PLCH1: variants seen among roughly 807,000 people sequenced by gnomAD.
PLCH1 encodes the protein 1-phosphatidylinositol 4,5-bisphosphate phosphodiesterase eta-1.
A neutral mutation model predicts 126.7 loss-of-function variants in PLCH1; 60 were observed. The ratio of observed to expected loss-of-function variants is 0.47; its 90% CI spans 0.38 to 0.59. PLCH1 has a LOEUF of 0.59. Among genes scored for constraint, PLCH1 ranks in the 20% least tolerant of loss-of-function variants. The pLI is 0.00. For synonymous variants in PLCH1, 719 were observed against 734.9 expected (o/e 0.98, Z 0.35); for missense variants, 1,723 against 2,040.0 (o/e 0.84, Z 2.99).
chr3:155,653,133 A>AGATATG (rs1740913478), intron 2 of PLCH1, among the ~76,000 whole-genome samples: 1 of 37,906 alleles, frequency 2.6e-5, no homozygotes, highest in Non-Finnish European at 4.2e-5. Context: ...ATATAGATAT[A>AGATATG]GATATAGATA....
chr3:155,719,355 G>A (rs774999572), intron 1 of PLCH1, among the ~76,000 whole-genome samples: 2 of 151,924 alleles, frequency 1.3e-5, no homozygotes, highest in Non-Finnish European at 1.5e-5. Context: ...ATCACACACC[G>A]GGGCCTGTTG....
At chr3:155,502,019 CA>C (rs1717981628) in intron 13 of PLCH1, among the ~76,000 whole-genome samples, 1 of 152,080 alleles carries the variant, frequency 6.6e-6, no homozygotes, top group Non-Finnish European at 1.5e-5. Context: ...TAAACCCCCC[CA>C]AAAATCAAAC....
chr3:155,494,363 G>C lies in PLCH1; in HGVS notation c.2049C>G (p.Pro683=), dbSNP rs1716695178. 1 of 1,614,182 alleles carries C rather than the reference G, an allele frequency of 6.2e-7. No individual in the cohort carries two copies. The highest frequency in any genetic ancestry group is 1.1e-5 in the South Asian group (1 of 91,082). ...RIDSSNFNPL[P]YWNAGCQLVA... ...CTAGCTGGCAGCCTGCGTTCCAGTA[G>C]GGGAGAGGGTTGAAGTTACTGGAAT... Residue 683 remains proline (P), a synonymous_variant, in exon 16 of 23, where the codon CCC becomes CCG. Coordinates refer to ENST00000460012, the MANE Select transcript of PLCH1 (RefSeq NM_014996.4).
intron 21 of PLCH1, among the ~76,000 whole-genome samples, chr3:155,471,770 A>G (rs1175288443): frequency 6.6e-6 from 1 of 152,148 alleles, no homozygotes; most frequent in African/African-American, 2.4e-5. Context: ...AGGATTAAGA[A>G]TCTCACTCAA....
At chr3:155,519,945 C>T (rs1471417024) in intron 11 of PLCH1, among the ~76,000 whole-genome samples, 2 of 152,064 alleles carry the variant, frequency 1.3e-5, no homozygotes, top group Non-Finnish European at 2.9e-5. Context: ...AAGGTCTTGG[C>T]TGAAGAACAG....
intron 11 of PLCH1, among the ~76,000 whole-genome samples, chr3:155,523,615 A>G (rs1721495293): frequency 6.6e-6 from 1 of 152,152 alleles, no homozygotes. Flanking sequence ...TTCCAACTAC[A>G]ATTTGATTTT....
At chr3:155,537,214 A>C (rs1723528528) in intron 10 of PLCH1, among the ~76,000 whole-genome samples, 8 of 9,236 alleles carry the variant, frequency 8.7e-4, no homozygotes, top group Non-Finnish European at 5.9e-3. Context: ...AAAAAAAAAA[A>C]AAAAAAAAAA....
rs746725405 is a variant in PLCH1 at position 155,516,917 on chromosome 3, C to T, written c.1471-2033G>A. Among the ~76,000 whole-genome samples, 59 of 152,160 alleles carry T rather than the reference C, an allele frequency of 3.9e-4. No individual in the cohort carries two copies. In the South Asian group the frequency reaches 3.9e-3, roughly 10 times the overall value. ...AGTAGAGAGGGGTAGCATATGCACA[C>T]AGAGGAGGCGCAACTTGTCCAGCCT... On this transcript the variant is annotated intron_variant, in intron 11 of 22. Transcript: ENST00000460012.
intron 2 of PLCH1, among the ~76,000 whole-genome samples, chr3:155,614,483 C>A (rs567147927): frequency 1.4e-3 from 204 of 149,720 alleles, no homozygotes; most frequent in African/African-American, 4.9e-3. Context: ...AGAACTAAGA[C>A]TAAGTAAAAA....
intron 2 of PLCH1, among the ~76,000 whole-genome samples, chr3:155,613,540 A>G (rs1735412091): frequency 2.6e-5 from 4 of 152,330 alleles, no homozygotes; most frequent in Middle Eastern, 6.8e-3. Context: ...GAACAGAACT[A>G]AAAACAAAAA....
At chr3:155,471,267 G>T (rs9843072) in intron 21 of PLCH1, among the ~76,000 whole-genome samples, 44,173 of 151,814 alleles carry the variant, frequency 0.29, 7,297 homozygotes, top group African/African-American at 0.44. Flanking sequence ...AAAAGGCAGG[G>T]GTTGCAATCC....
intron 2 of PLCH1, among the ~76,000 whole-genome samples, chr3:155,644,108 C>T (rs1474988000): frequency 6.6e-6 from 1 of 152,122 alleles, no homozygotes; most frequent in Non-Finnish European, 1.5e-5. Flanking sequence ...GACAGGTATA[C>T]ATACAGAGGC....
Position 155,482,978 on chromosome 3 carries a change from CT to C in PLCH1, c.3047del (p.Lys1016SerfsTer72), listed in dbSNP as rs984200784. 3 of 1,614,002 alleles carry C rather than the reference CT, an allele frequency of 1.9e-6. No homozygotes were observed. Among genetic ancestry groups the C allele is most frequent in the Non-Finnish European group, 1.7e-6 (2 of 1,179,916 alleles). ...GCAGAGCACTGGAGGAGGATGATAA[CT>C]TTTTGTTGAAATTTAGAAAATGTGG... Reference protein sequence around the residue: ...KDPHFLNFNKKLSSSSSALLH... With the variant: ...KDPHFLNFNKXLSSSSSALLH... On this transcript the variant is annotated frameshift_variant, in exon 23 of 23. Transcript: ENST00000460012. LOFTEE classifies it low-confidence loss of function (END_TRUNC).
chr3:155,635,900 C>T (rs551681179), intron 2 of PLCH1, among the ~76,000 whole-genome samples: 34 of 152,242 alleles, frequency 2.2e-4, no homozygotes, highest in South Asian at 1.7e-3. Context: ...ATTTTTAAAT[C>T]CCATATAAGA....
rs59794505 is a variant in PLCH1, at chr3:155,551,444, GAAAAAAAAAAAAAAAAAA to G, written c.1191-1504_1191-1487del. Among the ~76,000 whole-genome samples the G allele has an allele frequency of 1.7e-4, 7 of 42,088 alleles. No individual in the cohort carries two copies. The East Asian group carries it at 3.8e-3, about 23-fold the overall frequency. The allele number at this position is 42,088 out of a possible 152,430, so 27.6% of individuals were successfully genotyped here. A position where few individuals can be genotyped will look rare whatever the true frequency, so the allele number is the denominator to read the frequency against. On this transcript the variant is annotated intron_variant, in intron 9 of 22. Transcript: ENST00000460012. ...TGGGCGACAGAGCAAGGCTGCCTCA[GAAAAAAAAAAAAAAAAAA>G]AAAAAAAAAAAAAAAAAAGCCTAAT...
intron 1 of PLCH1, among the ~76,000 whole-genome samples, chr3:155,731,881 G>A (rs1358634569): frequency 1.3e-5 from 2 of 151,598 alleles, no homozygotes; most frequent in Admixed American, 1.3e-4. Context: ...TACTTCGAGG[G>A]CTGAGGTGGC....
intron 2 of PLCH1, among the ~76,000 whole-genome samples, chr3:155,659,670 T>G (rs1254085530): frequency 6.6e-6 from 1 of 151,976 alleles, no homozygotes; most frequent in Non-Finnish European, 1.5e-5. Context: ...AGCTAATTTT[T>G]GTATTTTTAG....
intron 2 of PLCH1, among the ~76,000 whole-genome samples, chr3:155,659,045 C>T (rs1387513579): frequency 6.6e-6 from 1 of 152,194 alleles, no homozygotes; most frequent in Non-Finnish European, 1.5e-5. Context: ...AAATTGTCTT[C>T]TTAGCTGCCA....
rs193242584 is a variant in PLCH1, at chr3:155,533,339, G to A, written c.1363-9335C>T. Among the ~76,000 whole-genome samples the A allele has an allele frequency of 2.6e-3, 402 of 152,310 alleles. 2 individuals carry two copies. Among genetic ancestry groups the A allele is most frequent in the South Asian group, 7.5e-3 (36 of 4,822 alleles). ...AGGCAGGTGGGTCACCTGGGGTCAG[G>A]AGTTTGAGACCAGCCTGACCAACAT... On this transcript the variant is annotated intron_variant, in intron 10 of 22. Coordinates refer to ENST00000460012, the MANE Select transcript of PLCH1 (RefSeq NM_014996.4).
Sources: allele counts gnomAD v4.1 joint callset (sites outside exome capture counted in the v4.1 genomes callset), GRCh38; gene constraint gnomAD v4.1.1; transcripts MANE v1.5; gene names NCBI Gene and HGNC (gene_info 2026-07-23, HGNC 2026-07-21).